NCK2: variants seen among roughly 807,000 people sequenced by gnomAD.
NCK2 encodes cytoplasmic protein NCK2.
A neutral mutation model predicts 33.9 loss-of-function variants in NCK2; 16 were observed. The ratio of observed to expected loss-of-function variants is 0.47; its 90% CI spans 0.32 to 0.72. NCK2 has a LOEUF of 0.72. Among genes scored for constraint, NCK2 ranks in the 30% least tolerant of loss-of-function variants. The pLI, the probability that NCK2 is intolerant of heterozygous loss-of-function variation, is 0.03. For synonymous variants in NCK2, 273 were observed against 239.9 expected (o/e 1.14, Z -1.27); for missense variants, 418 against 537.3 (o/e 0.78, Z 2.19).
chr2:105,794,821 C>T (rs1313054917), intron 1 of NCK2, among the ~76,000 whole-genome samples: 1 of 152,144 alleles, frequency 6.6e-6, no homozygotes, highest in African/African-American at 2.4e-5. Flanking sequence ...AGCGATTCTC[C>T]TGCCTCAGCC....
At chr2:105,809,988 A>G (rs1341299438) in intron 1 of NCK2, among the ~76,000 whole-genome samples, 1 of 152,106 alleles carries the variant, frequency 6.6e-6, no homozygotes, top group Non-Finnish European at 1.5e-5. Context: ...TGATGTCAGA[A>G]TGGGCCTGAA....
At chr2:105,761,991 A>T (rs1364306329) in intron 1 of NCK2, among the ~76,000 whole-genome samples, 3 of 152,332 alleles carry the variant, frequency 2.0e-5, no homozygotes, top group Admixed American at 1.3e-4. Context: ...GATACATTTT[A>T]AAAATATCTT....
intron 1 of NCK2, among the ~76,000 whole-genome samples, chr2:105,784,543 A>G (rs1020255540): frequency 1.3e-5 from 2 of 152,248 alleles, no homozygotes; most frequent in East Asian, 3.8e-4. Context: ...GGAGGGTACA[A>G]TGTAGAGATG....
At chr2:105,805,982 TA>T (rs1675018079) in intron 1 of NCK2, among the ~76,000 whole-genome samples, 1 of 152,134 alleles carries the variant, frequency 6.6e-6, no homozygotes, top group Non-Finnish European at 1.5e-5. Context: ...CTTATATACA[TA>T]GCCTGCAGGT....
Position 105,750,509 on chromosome 2 carries a change from C to T in NCK2, c.-201+5371C>T, listed in dbSNP as rs116568380. On this transcript the variant is annotated intron_variant, in intron 1 of 4. Coordinates refer to ENST00000233154, the MANE Select transcript of NCK2 (RefSeq NM_003581.5). ...TAGGAAGACCTGGTGCTCCCATCATCCAGATCTGGGATCTCTGTTTATTTG... is the reference window on the plus strand; with the variant it reads ...TAGGAAGACCTGGTGCTCCCATCATTCAGATCTGGGATCTCTGTTTATTTG... Among the ~76,000 whole-genome samples the T allele has an allele frequency of 2.6e-3, 392 of 152,300 alleles. 4 individuals are homozygous for T. The highest frequency in any genetic ancestry group is 0.01 in the Middle Eastern group (3 of 294).
intron 1 of NCK2, among the ~76,000 whole-genome samples, chr2:105,779,618 G>C (rs566415321): frequency 6.6e-6 from 1 of 152,280 alleles, no homozygotes; most frequent in African/African-American, 2.4e-5. Flanking sequence ...GGCCTTGTGG[G>C]CAGATGGAAA....
intron 1 of NCK2, among the ~76,000 whole-genome samples, chr2:105,762,217 C>A (rs902999645): frequency 6.6e-6 from 1 of 152,148 alleles, no homozygotes; most frequent in Non-Finnish European, 1.5e-5. Context: ...CAGGTGATCT[C>A]CGAAGATTTC....
chr2:105,826,445 T>G (rs1401718646), intron 2 of NCK2, among the ~76,000 whole-genome samples: 1 of 152,112 alleles, frequency 6.6e-6, no homozygotes, highest in Non-Finnish European at 1.5e-5. Context: ...GTAGTTTGCT[T>G]GTAGTGTGGA....
intron 1 of NCK2, among the ~76,000 whole-genome samples, chr2:105,764,893 AT>A (rs1689888286): frequency 6.6e-6 from 1 of 151,970 alleles, no homozygotes; most frequent in East Asian, 1.9e-4. Flanking sequence ...ATGTTGTGTG[AT>A]ATCCCATGGA....
intron 3 of NCK2, among the ~76,000 whole-genome samples, chr2:105,868,147 G>A (rs934643880): frequency 3.3e-5 from 5 of 152,218 alleles, no homozygotes; most frequent in African/African-American, 9.6e-5. Context: ...TGGTGTAACC[G>A]ATGGACCTTG....
intron 1 of NCK2, among the ~76,000 whole-genome samples, chr2:105,746,057 A>C (rs369402269): frequency 1.6e-4 from 24 of 152,290 alleles, no homozygotes; most frequent in African/African-American, 5.8e-4. Flanking sequence ...CACCTGACTT[A>C]AACTAGTATT....
intron 2 of NCK2, among the ~76,000 whole-genome samples, chr2:105,820,297 C>T (rs888948314): frequency 6.6e-6 from 1 of 152,144 alleles, no homozygotes; most frequent in South Asian, 2.1e-4. Context: ...AGCAACAGCT[C>T]GGTCAGCCAT....
intron 3 of NCK2, among the ~76,000 whole-genome samples, chr2:105,869,913 AT>A (rs550342484): frequency 6.6e-6 from 1 of 150,402 alleles, no homozygotes; most frequent in African/African-American, 2.4e-5. Flanking sequence ...CTTTTAGACC[AT>A]TTTTTTTTCA....
At chr2:105,807,726 C>T (rs1294965820) in intron 1 of NCK2, among the ~76,000 whole-genome samples, 7 of 128,446 alleles carry the variant, frequency 5.4e-5, no homozygotes, top group East Asian at 2.3e-4. Flanking sequence ...TCCTTCCTTC[C>T]TTCTTTCCTT....
chr2:105,892,845 C>CAAAA (rs34235939), intron 4 of NCK2, 137 bp from the exon 5 acceptor site: 99 of 470,570 alleles, frequency 2.1e-4, no homozygotes, highest in South Asian at 4.6e-4. Flanking sequence ...AACTCCATCT[C>CAAAA]AAAAAAAAAA....
chr2:105,825,401 G>A (rs977874302), intron 2 of NCK2, among the ~76,000 whole-genome samples: 3 of 152,166 alleles, frequency 2.0e-5, no homozygotes, highest in African/African-American at 7.2e-5. Flanking sequence ...GATCCTTACA[G>A]CGAGCTGACC....
At chr2:105,860,005 C>A (rs1677449477) in intron 3 of NCK2, among the ~76,000 whole-genome samples, 1 of 152,134 alleles carries the variant, frequency 6.6e-6, no homozygotes, top group Non-Finnish European at 1.5e-5. Flanking sequence ...ACAATCAGGG[C>A]TGGGCACGAT....
At chr2:105,846,417 A>T (rs953106522) in intron 2 of NCK2, 1 of 152,046 alleles carries the variant, frequency 6.6e-6, no homozygotes, top group African/African-American at 2.4e-5. Flanking sequence ...TTTTTCTTCT[A>T]TAATTTTGAG....
intron 1 of NCK2, among the ~76,000 whole-genome samples, chr2:105,812,798 G>GACAC (rs1195870477): frequency 2.7e-5 from 4 of 145,732 alleles, no homozygotes; most frequent in African/African-American, 1.0e-4. Flanking sequence ...GAAGCCAGGT[G>GACAC]ACACTATTCA....
Sources: gnomAD v4.1 joint callset for allele counts (sites outside exome capture counted in the v4.1 genomes callset) on GRCh38, gnomAD v4.1.1 for gene constraint, MANE v1.5 for transcripts, NCBI Gene and HGNC (gene_info 2026-07-23, HGNC 2026-07-21) for gene names.